The following FHIT variants were observed in gnomAD, a reference collection of about 807,000 sequenced individuals.
FHIT encodes fragile histidine triad diadenosine triphosphatase.
Under a neutral mutation model 17.9 loss-of-function variants are expected in FHIT, and 19 were observed. That is an observed-to-expected ratio of 1.06 (90% CI 0.74 to 1.56). The LOEUF is 1.56. Among genes scored for constraint, FHIT ranks in the 40% most tolerant of loss-of-function variants. The pLI is 0.00. For synonymous variants in FHIT, 81 were observed against 69.7 expected (o/e 1.16, Z -0.81); for missense variants, 248 against 189.2 (o/e 1.31, Z -1.82).
At chr3:60,412,475 G>T (rs532230252) in intron 5 of FHIT, among the ~76,000 whole-genome samples, 6 of 151,830 alleles carry the variant, frequency 4.0e-5, no homozygotes, top group African/African-American at 9.7e-5. Flanking sequence ...CCTCTCTTAC[G>T]CATTTCCCTC....
At chr3:61,248,889 C>T (rs2040547455) in intron 1 of FHIT, among the ~76,000 whole-genome samples, 2 of 152,158 alleles carry the variant, frequency 1.3e-5, no homozygotes, top group South Asian at 2.1e-4. Context: ...CAGACTACTT[C>T]GTAACACACT....
At chr3:59,775,124 AATC>A (rs1702246800) in intron 8 of FHIT, among the ~76,000 whole-genome samples, 1 of 152,214 alleles carries the variant, frequency 6.6e-6, no homozygotes, top group South Asian at 2.1e-4. Context: ...ATTTAGCATC[AATC>A]ATTCCACAGA....
chr3:60,480,824 C>A (rs942053563), intron 5 of FHIT, among the ~76,000 whole-genome samples: 1 of 152,190 alleles, frequency 6.6e-6, no homozygotes, highest in African/African-American at 2.4e-5. Flanking sequence ...TCACAGCTGT[C>A]GTTGAGTGTC....
chr3:60,765,995 T>C (rs1699839230), intron 4 of FHIT, among the ~76,000 whole-genome samples: 1 of 152,212 alleles, frequency 6.6e-6, no homozygotes. Flanking sequence ...GTCTGAAGCC[T>C]GCACTGTCAG....
intron 4 of FHIT, among the ~76,000 whole-genome samples, chr3:60,635,527 T>C (rs541511909): frequency 1.3e-5 from 2 of 152,334 alleles, no homozygotes; most frequent in African/African-American, 2.4e-5. Flanking sequence ...CATAGTTTTA[T>C]AGGAATTTAA....
At position 60,547,782 on chromosome 3, in the gene FHIT, C is replaced by T. The variant is rs2036416609; in HGVS notation, c.-17-10803G>A. Among the ~76,000 whole-genome samples the T allele has an allele frequency of 2.0e-5, 3 of 151,250 alleles. No individual in the cohort carries two copies. In the South Asian group the frequency reaches 6.2e-4, roughly 31 times the overall value. On this transcript the variant is annotated intron_variant, in intron 4 of 9. Transcript: ENST00000492590. ...CTCTACTATCCTTTTGTGTGTGACT[C>T]AGTGGATGTGTTCAGTCATTTTTTT...
chr3:60,555,620 C>T (rs1157000944), intron 4 of FHIT, among the ~76,000 whole-genome samples: 1 of 152,188 alleles, frequency 6.6e-6, no homozygotes, highest in African/African-American at 2.4e-5. Context: ...TTCATCCTCT[C>T]GCCATGAGAG....
At chr3:60,329,669 G>A (rs926417801) in intron 5 of FHIT, among the ~76,000 whole-genome samples, 2 of 152,164 alleles carry the variant, frequency 1.3e-5, no homozygotes, top group Non-Finnish European at 2.9e-5. Context: ...CTGCATTCCT[G>A]CCTTTTCTCA....
intron 8 of FHIT, among the ~76,000 whole-genome samples, chr3:59,771,575 T>C (rs573373777): frequency 6.6e-6 from 1 of 152,290 alleles, no homozygotes; most frequent in East Asian, 1.9e-4. Flanking sequence ...AATAAAGTTC[T>C]AAGCAATTAA....
intron 4 of FHIT, among the ~76,000 whole-genome samples, chr3:60,610,480 A>T (rs2038751632): frequency 6.6e-6 from 1 of 152,182 alleles, no homozygotes; most frequent in African/African-American, 2.4e-5. Flanking sequence ...GCATACCAGC[A>T]TTAATAAAAC....
chr3:60,934,678 T>A (rs1708111409), intron 3 of FHIT, among the ~76,000 whole-genome samples: 2 of 152,226 alleles, frequency 1.3e-5, no homozygotes, highest in Non-Finnish European at 2.9e-5. Context: ...GTATCCTACC[T>A]TGCTTAAGTA....
intron 5 of FHIT, among the ~76,000 whole-genome samples, chr3:60,265,496 G>A (rs1017500327): frequency 3.3e-5 from 5 of 151,902 alleles, no homozygotes; most frequent in African/African-American, 1.2e-4. Flanking sequence ...TCATGAGTAC[G>A]GATTACACAG....
chr3:60,707,293 T>C (rs1553703794), intron 4 of FHIT, among the ~76,000 whole-genome samples: 1 of 152,198 alleles, frequency 6.6e-6, no homozygotes, highest in Non-Finnish European at 1.5e-5. Context: ...TATGATCTAC[T>C]ATAACTTTAT....
At chr3:59,893,106 A>C (rs1332732616) in intron 8 of FHIT, among the ~76,000 whole-genome samples, 4 of 152,376 alleles carry the variant, frequency 2.6e-5, no homozygotes, top group Non-Finnish European at 5.9e-5. Flanking sequence ...TTTATGCTGC[A>C]ACATTTGGAC....
chr3:59,949,502 G>A (rs760216359), intron 7 of FHIT, among the ~76,000 whole-genome samples: 1 of 152,166 alleles, frequency 6.6e-6, no homozygotes, highest in Admixed American at 6.5e-5. Context: ...CAAAAGCCAC[G>A]GTTACCATGG....
At chr3:60,357,386 G>A (rs879668594) in intron 5 of FHIT, among the ~76,000 whole-genome samples, 1 of 151,896 alleles carries the variant, frequency 6.6e-6, no homozygotes, top group Admixed American at 6.6e-5. Flanking sequence ...TGGGATTACA[G>A]GCACCCATCA....
intron 6 of FHIT, 36 bp downstream of exon 6, chr3:60,013,971 G>C: frequency 6.2e-7 from 1 of 1,605,960 alleles, no homozygotes; most frequent in South Asian, 1.1e-5. Flanking sequence ...ATATGAAAGG[G>C]AAGAAAAATC....
intron 2 of FHIT, among the ~76,000 whole-genome samples, chr3:61,156,235 A>G (rs1442977640): frequency 6.6e-6 from 1 of 152,178 alleles, no homozygotes; most frequent in Non-Finnish European, 1.5e-5. Context: ...AAGTACAACT[A>G]TATGTTGAGT....
intron 5 of FHIT, among the ~76,000 whole-genome samples, chr3:60,306,279 A>G (rs1708668115): frequency 6.6e-6 from 1 of 152,172 alleles, no homozygotes; most frequent in South Asian, 2.1e-4. Flanking sequence ...ACTTCCCAAG[A>G]AGTTAAAATT....
Sources: gnomAD v4.1 joint callset for allele counts (sites outside exome capture counted in the v4.1 genomes callset) on GRCh38, gnomAD v4.1.1 for gene constraint, MANE v1.5 for transcripts, NCBI Gene and HGNC (gene_info 2026-07-23, HGNC 2026-07-21) for gene names.